The following WDR72 variants were observed in gnomAD, a reference collection of about 807,000 sequenced individuals.
The protein encoded by WDR72 is WD repeat-containing protein 72.
A neutral mutation model predicts 124.2 loss-of-function variants in WDR72; 120 were observed. The observed-to-expected ratio is 0.97, with a 90% confidence interval of 0.83 to 1.12. The LOEUF is 1.12. Among genes scored for constraint, WDR72 ranks in the 50% most tolerant of loss-of-function variants. The pLI is 0.00. For synonymous variants in WDR72, 452 were observed against 441.7 expected (o/e 1.02, Z -0.29); for missense variants, 1,387 against 1,278.8 (o/e 1.08, Z -1.29).
At chr15:53,623,450 A>G (rs2014082299) in intron 14 of WDR72, among the ~76,000 whole-genome samples, 1 of 151,832 alleles carries the variant, frequency 6.6e-6, no homozygotes, top group Non-Finnish European at 1.5e-5. Context: ...ACATGATTTC[A>G]TTCTTTTTTA....
rs547601052 is a variant in WDR72 at position 53,739,142 on chromosome 15, C to T, written c.-12-5981G>A. Among the ~76,000 whole-genome samples the T allele has an allele frequency of 4.9e-4, 74 of 152,020 alleles. 1 individual carries two copies. Among genetic ancestry groups the T allele is most frequent in the African/African-American group, 1.7e-3 (69 of 41,460 alleles). On this transcript the variant is annotated intron_variant, in intron 1 of 19. Transcript: ENST00000360509. ...CAAAATGACAGCTCATTTAACAGCTCATTTATATCAAAATCAACAGATGAG... is the reference window on the plus strand; with the variant it reads ...CAAAATGACAGCTCATTTAACAGCTTATTTATATCAAAATCAACAGATGAG...
intron 16 of WDR72, among the ~76,000 whole-genome samples, chr15:53,613,138 G>T (rs779793218): frequency 6.6e-6 from 1 of 152,116 alleles, no homozygotes; most frequent in Non-Finnish European, 1.5e-5. Flanking sequence ...AAGCAGGTTT[G>T]GGAGATACAT....
At chr15:53,729,113 C>A (rs1194287384) in intron 2 of WDR72, among the ~76,000 whole-genome samples, 2 of 152,134 alleles carry the variant, frequency 1.3e-5, no homozygotes, top group African/African-American at 4.8e-5. Context: ...AGCTCCCAAA[C>A]CCTAAATCTG....
intron 18 of WDR72, among the ~76,000 whole-genome samples, chr15:53,548,333 G>T (rs1345245982): frequency 6.6e-6 from 1 of 152,214 alleles, no homozygotes; most frequent in East Asian, 1.9e-4. Flanking sequence ...TGCTCCTACA[G>T]AATAAACAGG....
intron 18 of WDR72, among the ~76,000 whole-genome samples, chr15:53,547,344 C>G (rs1893522254): frequency 6.6e-6 from 1 of 152,162 alleles, no homozygotes; most frequent in Non-Finnish European, 1.5e-5. Flanking sequence ...GTTGGTCAGG[C>G]TGGTCTCGAA....
intron 18 of WDR72, among the ~76,000 whole-genome samples, chr15:53,591,692 ACACACACACACACAC>A (rs1278198462): frequency 4.0e-4 from 2 of 5,062 alleles, no homozygotes; most frequent in Non-Finnish European, 6.6e-4. Context: ...CACAACACAC[ACACACACACACACAC>A]ACACACACAC....
chr15:53,576,031 T>C (rs561978913), intron 18 of WDR72, among the ~76,000 whole-genome samples: 1 of 152,110 alleles, frequency 6.6e-6, no homozygotes, highest in Non-Finnish European at 1.5e-5. Context: ...ATCTGAAAAC[T>C]TTCTAGTACC....
intron 11 of WDR72, among the ~76,000 whole-genome samples, chr15:53,704,559 C>G (rs1053335494): frequency 6.6e-6 from 1 of 151,300 alleles, no homozygotes; most frequent in African/African-American, 2.4e-5. Context: ...TGGAGTCTTG[C>G]CCTGTTGCCC....
chr15:53,575,934 G>A (rs1894739194), intron 18 of WDR72, among the ~76,000 whole-genome samples: 1 of 152,056 alleles, frequency 6.6e-6, no homozygotes, highest in Non-Finnish European at 1.5e-5. Context: ...AGACATCACT[G>A]GAGCCCACTG....
At chr15:53,560,771 T>C (rs1894097772) in intron 18 of WDR72, among the ~76,000 whole-genome samples, 1 of 151,864 alleles carries the variant, frequency 6.6e-6, no homozygotes, top group Non-Finnish European at 1.5e-5. Flanking sequence ...GTCTTTAGCT[T>C]GATTCTTGTC....
intron 18 of WDR72, among the ~76,000 whole-genome samples, chr15:53,570,102 C>T (rs1311762132): frequency 1.3e-5 from 2 of 151,980 alleles, no homozygotes; most frequent in Non-Finnish European, 2.9e-5. Context: ...ACACTCCCCC[C>T]TTTTTTCCAG....
At chr15:53,691,544 A>AT (rs1369574940) in intron 13 of WDR72, among the ~76,000 whole-genome samples, 2 of 151,956 alleles carry the variant, frequency 1.3e-5, no homozygotes, top group Admixed American at 6.6e-5. Flanking sequence ...AACTTCATCT[A>AT]TTTTTTTCTT....
rs921411538 is a variant in WDR72, at chr15:53,683,727, A to C, written c.1765+16023T>G. 3.9e-5 allele frequency among the ~76,000 whole-genome samples: 6 copies of C among 152,138 alleles called. No homozygotes were observed. In the East Asian group the frequency reaches 9.6e-4, roughly 24 times the overall value. On this transcript the variant is annotated intron_variant, in intron 13 of 19. Transcript: ENST00000360509. The stretch of plus-strand genomic sequence containing the variant: ...GTAAGAACCACACAGGAGAGAGAGA[A>C]AGAGGAAGAAGAGATCTAATCAATG...
intron 18 of WDR72, among the ~76,000 whole-genome samples, chr15:53,589,975 C>T (rs552774559): frequency 6.6e-6 from 1 of 152,088 alleles, no homozygotes; most frequent in South Asian, 2.1e-4. Flanking sequence ...GATGAAATTT[C>T]TCTCTCAATT....
chr15:53,558,007 T>C (rs997619264), intron 18 of WDR72, among the ~76,000 whole-genome samples: 4 of 151,910 alleles, frequency 2.6e-5, no homozygotes, highest in South Asian at 2.1e-4. Flanking sequence ...TCTTCCCTCG[T>C]TGATGCTGAA....
At chr15:53,539,867 T>G (rs889839855) in intron 18 of WDR72, among the ~76,000 whole-genome samples, 9 of 152,106 alleles carry the variant, frequency 5.9e-5, no homozygotes, top group African/African-American at 2.2e-4. Context: ...ACTAACAAAG[T>G]AAAATCTAAC....
chr15:53,682,732 T>C (rs748336209), intron 13 of WDR72, among the ~76,000 whole-genome samples: 9 of 152,166 alleles, frequency 5.9e-5, no homozygotes, highest in Non-Finnish European at 8.8e-5. Context: ...TCCCAACATA[T>C]ACTTCCTGTC....
intron 1 of WDR72, among the ~76,000 whole-genome samples, chr15:53,751,776 G>C (rs1325826069): frequency 6.6e-6 from 1 of 152,178 alleles, no homozygotes; most frequent in East Asian, 1.9e-4. Context: ...GCATGTACCG[G>C]TGGGTCAGGC....
chr15:53,762,521 G>T (rs690481), upstream of WDR72: 147,140 of 152,374 alleles, frequency 0.97, 71,229 homozygotes, highest in Middle Eastern at 1. Context: ...GACAGTCAAC[G>T]GTTAAGGCAT....
Sources: gnomAD v4.1 joint callset for allele counts (sites outside exome capture counted in the v4.1 genomes callset) on GRCh38, gnomAD v4.1.1 for gene constraint, MANE v1.5 for transcripts, NCBI Gene and HGNC (gene_info 2026-07-23, HGNC 2026-07-21) for gene names.